USH1G: variants seen among roughly 807,000 people sequenced by gnomAD.
USH1G encodes pre-mRNA splicing regulator USH1G.
USH1G carries 27 observed loss-of-function variants against 31.9 expected under a neutral mutation model. The observed-to-expected ratio is 0.85, with a 90% CI of 0.62 to 1.17. The LOEUF (loss-of-function observed/expected upper bound fraction) is 1.17. Ranked by LOEUF, USH1G falls within the 50% of genes most tolerant of loss-of-function variation. USH1G has a pLI of 0.00. For missense variants in USH1G, 674 were observed against 638.9 expected, an observed-to-expected ratio of 1.05 and a Z score of -0.59; for synonymous variants, 266 against 283.2, an observed-to-expected ratio of 0.94 and a Z score of 0.61.
In USH1G at chr17:74,918,545, G is replaced by A. The variant is rs367881762; in HGVS notation, c.1383-469C>T. Among the ~76,000 whole-genome samples, 38 of 152,258 alleles carry A rather than the reference G, an allele frequency of 2.5e-4. No individual in the cohort carries two copies. In the South Asian group the frequency reaches 3.9e-3, roughly 16 times the overall value. ...AAAACATCTCCCTAAGGCCAGGCGCGGTGGCTCACGCCTGTAATCCCAGCA... is the reference window on the plus strand; with the variant it reads ...AAAACATCTCCCTAAGGCCAGGCGCAGTGGCTCACGCCTGTAATCCCAGCA... On this transcript the variant is annotated intron_variant, in intron 2 of 2. Transcript: ENST00000614341. This position sits in a 1 kb window ranked among gnomAD's most constrained non-coding sequence, Gnocchi z 4.1.
Position 74,920,064 on chromosome 17 carries a change from G to A in USH1G, c.772C>T (p.Gln258Ter). ...TCCTTGGGATTGGCGTAGGTGCCCT[G>A]GCGCACGAACATCACGTCGCTGCCC... The part of the protein sequence containing the change: ...QLGSDVMFVR[Q>*]GTYANPKEWG... The change falls in exon 2 of 3, where the codon CAG (glutamine) becomes TAG (stop). Residue 258 changes from glutamine to a stop codon, truncating the protein, a stop_gained. Coordinates refer to ENST00000614341, the MANE Select transcript of USH1G (RefSeq NM_173477.5). LOFTEE classifies it high-confidence loss of function. The surrounding 1 kb of genome is among the most constrained non-coding windows in gnomAD (Gnocchi z 5.2). 6.2e-7 allele frequency: 1 copy of A among 1,608,290 alleles called. No individual in the cohort carries two copies.
chr17:74,917,264 G>T lies in USH1G; in HGVS notation c.*809C>A, dbSNP rs886053386. 50 of 152,324 alleles carry T rather than the reference G, an allele frequency of 3.3e-4. No homozygotes were observed. The highest frequency in any genetic ancestry group is 1.2e-3 in the African/African-American group (48 of 41,458). 9.4% of individuals were successfully genotyped at this position (152,324 alleles called of 1,614,324 possible). A position where few individuals can be genotyped will look rare whatever the true frequency, so the allele number is the denominator to read the frequency against. On this transcript the variant is annotated 3_prime_UTR_variant, in exon 3 of 3. Transcript: ENST00000614341. ...GGCGGACACCTTTCTCTAGCCCAGC[G>T]CATGCCTGCCAGGCCTGGGGGCTAT...
rs1309517673 is a variant in USH1G, at chr17:74,921,948, A to G, written c.164+962T>C. On this transcript the variant is annotated intron_variant, in intron 1 of 2. Coordinates refer to ENST00000614341, the MANE Select transcript of USH1G (RefSeq NM_173477.5). This position sits in a 1 kb window ranked among gnomAD's most constrained non-coding sequence, Gnocchi z 4.6. ...CAAGAAGGAGGGGTCTCCAGCACCT[A>G]CTACATGTTCAGGCACTGGCCAGTA... Among the ~76,000 whole-genome samples, 2 of 152,066 alleles carry G rather than the reference A, an allele frequency of 1.3e-5. No homozygotes were observed. The highest frequency in any genetic ancestry group is 4.8e-5 in the African/African-American group (2 of 41,410).
At position 74,918,826 on chromosome 17, in the gene USH1G, AAT is replaced by A. The variant is rs1186539922; in HGVS notation, c.1382+626_1382+627del. Among the ~76,000 whole-genome samples, 47 of 150,796 alleles carry A rather than the reference AAT, an allele frequency of 3.1e-4. 1 individual carries two copies. The highest frequency in any genetic ancestry group is 3.1e-3 in the Admixed American group (47 of 15,206). ...ACTGTCTCAAAAAAAAAAAAAAAAA[AAT>A]CTGCCTGAGGTCTTGGGCAATTGAG... On this transcript the variant is annotated intron_variant, in intron 2 of 2. Transcript: ENST00000614341. This position sits in a 1 kb window ranked among gnomAD's most constrained non-coding sequence, Gnocchi z 4.1.
intron 1 of USH1G, among the ~76,000 whole-genome samples, chr17:74,922,609 G>T (rs2038957620): frequency 6.6e-6 from 1 of 151,834 alleles, no homozygotes. Flanking sequence ...CCTCACTCTT[G>T]CTTCCAGGGG....
At position 74,920,197 on chromosome 17, in the gene USH1G, C is replaced by A; in HGVS notation, c.639G>T (p.Lys213Asn). 6.2e-7 allele frequency: 1 copy of A among 1,602,390 alleles called. No individual in the cohort carries two copies. Among genetic ancestry groups the A allele is most frequent in the East Asian group, 2.2e-5 (1 of 44,870 alleles). The change falls in exon 2 of 3, where the codon AAG becomes AAT. Residue 213 changes from lysine to asparagine, a missense_variant. By Grantham distance (94) the Lys-to-Asn change is moderately conservative. Coordinates refer to ENST00000614341, the MANE Select transcript of USH1G (RefSeq NM_173477.5). The surrounding 1 kb of genome is among the most constrained non-coding windows in gnomAD (Gnocchi z 5.2). ...GCTCCAGCTTCTTCTGCATCTTGGT[C>A]TTGCCCCTGGCCGTGCCGTGCAGCG... ...QATLHGTARG[K>N]TKMQKKLERR...
chr17:74,923,077 G>C lies in USH1G; in HGVS notation c.-4C>G. ...CCCGGTGGTACTGGTCGTTCATGGC[G>C]CCCGAAGTGGACGGGGCGGGCGGGG... On this transcript the variant is annotated 5_prime_UTR_variant, in exon 1 of 3. Transcript: ENST00000614341. This position sits in a 1 kb window ranked among gnomAD's most constrained non-coding sequence, Gnocchi z 5.3. The C allele has an allele frequency of 6.3e-7, 1 of 1,578,532 alleles. No individual in the cohort carries two copies. Among genetic ancestry groups the C allele is most frequent in the Non-Finnish European group, 8.6e-7 (1 of 1,160,212 alleles).
intron 1 of USH1G, among the ~76,000 whole-genome samples, chr17:74,922,224 C>T (rs2038951051): frequency 1.3e-5 from 2 of 152,074 alleles, no homozygotes; most frequent in African/African-American, 4.8e-5. Context: ...GCACTGACAC[C>T]TGCACTGTAT....
chr17:74,920,787 G>C lies in USH1G; in HGVS notation c.165-116C>G. 3 of 1,440,560 alleles carry C rather than the reference G, an allele frequency of 2.1e-6. No individual in the cohort carries two copies. Among genetic ancestry groups the C allele is most frequent in the Non-Finnish European group, 2.8e-6 (3 of 1,065,136 alleles). 89.2% of individuals were successfully genotyped at this position (1,440,560 alleles called of 1,614,324 possible). Reference sequence around the variant, plus strand: ...TGTCACAGCAACCCCCAAAGGGACCGTGGGCCTGAGATCTCTCCCACTCCA... The same window carrying C: ...TGTCACAGCAACCCCCAAAGGGACCCTGGGCCTGAGATCTCTCCCACTCCA... On this transcript the variant is annotated intron_variant, in intron 1 of 2. Coordinates refer to ENST00000614341, the MANE Select transcript of USH1G (RefSeq NM_173477.5). This position sits in a 1 kb window ranked among gnomAD's most constrained non-coding sequence, Gnocchi z 5.2.
rs1358311909 is a variant in USH1G, at chr17:74,918,267, C to T, written c.1383-191G>A. On this transcript the variant is annotated intron_variant, in intron 2 of 2. Transcript: ENST00000614341. The surrounding 1 kb of genome is among the most constrained non-coding windows in gnomAD (Gnocchi z 4.1). ...CTCTGAACCAGCCTGCCTCCCCACA[C>T]CCATCCCTGCCCCAGCCATTCAGGA... is the stretch of plus-strand genomic sequence containing the variant. Among the ~76,000 whole-genome samples the T allele has an allele frequency of 6.6e-6, 1 of 152,190 alleles. No individual in the cohort carries two copies. The highest frequency in any genetic ancestry group is 1.5e-5 in the Non-Finnish European group (1 of 68,032).
chr17:74,920,106 G>A lies in USH1G; in HGVS notation c.730C>T (p.Leu244Phe), dbSNP rs774553625. 3.1e-6 allele frequency: 5 copies of A among 1,603,132 alleles called. No individual in the cohort carries two copies. In the South Asian group the frequency reaches 4.4e-5, roughly 14 times the overall value. Reference protein sequence around the residue: ...SEDGRKSARSLSGLQLGSDVM... With the variant: ...SEDGRKSARSFSGLQLGSDVM... ...TCGCTGCCCAGCTGCAGGCCCGAGA[G>A]CGAGCGGGCGCTCTTGCGCCCATCC... The change falls in exon 2 of 3, where the codon CTC becomes TTC. Residue 244 changes from leucine (L) to phenylalanine (F), a missense_variant. Transcript: ENST00000614341. The surrounding 1 kb of genome is among the most constrained non-coding windows in gnomAD (Gnocchi z 5.2).
Position 74,917,989 on chromosome 17 carries a change from G to T in USH1G, c.*84C>A. 6.3e-7 allele frequency: 1 copy of T among 1,579,184 alleles called. No homozygotes were observed. The highest frequency in any genetic ancestry group is 1.1e-5 in the South Asian group (1 of 89,344). ...TGCTCCTGGGGAAGGGGGCTGCAGGGCTGGCAACTGTGAGGACCTCGAGAC... is the reference window on the plus strand; with the variant it reads ...TGCTCCTGGGGAAGGGGGCTGCAGGTCTGGCAACTGTGAGGACCTCGAGAC... On this transcript the variant is annotated 3_prime_UTR_variant, in exon 3 of 3. Transcript: ENST00000614341.
rs1473426274 is a variant in USH1G, at chr17:74,923,012, G to A, written c.62C>T (p.Thr21Ile). ...DGYLELLKEA[T>I]RKELNAPDED... ...GTCGGGGGCATTCAGCTCCTTTCGG[G>A]TGGCCTCCTTGAGGAGCTCCAGGTA... Residue 21 changes from threonine (T) to isoleucine (I), a missense_variant, in exon 1 of 3, where the codon ACC becomes ATC. Coordinates refer to ENST00000614341, the MANE Select transcript of USH1G (RefSeq NM_173477.5). The surrounding 1 kb of genome is among the most constrained non-coding windows in gnomAD (Gnocchi z 5.3). The A allele has an allele frequency of 2.5e-6, 4 of 1,576,906 alleles. No homozygotes were observed. Among genetic ancestry groups the A allele is most frequent in the African/African-American group, 1.3e-5 (1 of 74,346 alleles).
intron 1 of USH1G, 68 bp downstream of exon 1, chr17:74,922,842 G>A (rs2038961306): frequency 2.0e-6 from 3 of 1,498,972 alleles, no homozygotes; most frequent in South Asian, 1.3e-5. Flanking sequence ...GCAGCTCAGA[G>A]GAGTGGTGGA....
Position 74,920,416 on chromosome 17 carries a change from G to A in USH1G, c.420C>T (p.Phe140=). 1 of 1,613,544 alleles carries A rather than the reference G, an allele frequency of 6.2e-7. No individual in the cohort carries two copies. The highest frequency in any genetic ancestry group is 8.5e-7 in the Non-Finnish European group (1 of 1,180,040). ...KLVGKLKDKA[F]REAERRIREC... is the part of the protein sequence containing the mutation. ...CGCGGATGCGCCGCTCCGCCTCGCGGAAGGCCTTGTCCTTCAGCTTACCCA... is the reference window on the plus strand; with the variant it reads ...CGCGGATGCGCCGCTCCGCCTCGCGAAAGGCCTTGTCCTTCAGCTTACCCA... Residue 140 remains phenylalanine, a synonymous_variant, in exon 2 of 3, where the codon TTC becomes TTT. Transcript: ENST00000614341. This position sits in a 1 kb window ranked among gnomAD's most constrained non-coding sequence, Gnocchi z 5.2.
Position 74,922,891 on chromosome 17 carries a change from C to G in USH1G, c.164+19G>C. 1 of 1,539,640 alleles carries G rather than the reference C, an allele frequency of 6.5e-7. No individual in the cohort carries two copies. Among genetic ancestry groups the G allele is most frequent in the Non-Finnish European group, 8.8e-7 (1 of 1,138,836 alleles). On this transcript the variant is annotated intron_variant, in intron 1 of 2. Transcript: ENST00000614341. ...GGTGGTCTCAGGGGCCTCAAGGGCACTGGGTGGGGCGTACTCACCCGCGGC... is the reference window on the plus strand; with the variant it reads ...GGTGGTCTCAGGGGCCTCAAGGGCAGTGGGTGGGGCGTACTCACCCGCGGC...
Position 74,919,922 on chromosome 17 carries a change from G to C in USH1G, c.914C>G (p.Ser305Cys), listed in dbSNP as rs764111098. 5.0e-6 allele frequency: 8 copies of C among 1,612,976 alleles called. No individual in the cohort carries two copies. In the East Asian group the frequency reaches 1.3e-4, roughly 27 times the overall value. ...SEVSTDSGHD[S>C]LFTRPGLGTM... ...GCCCAGGCCGGGGCGGGTAAACAGG[G>C]AGTCGTGGCCTGAGTCGGTGCTGAC... Residue 305 changes from serine to cysteine, a missense_variant, in exon 2 of 3, where the codon TCC becomes TGC. Coordinates refer to ENST00000614341, the MANE Select transcript of USH1G (RefSeq NM_173477.5). The surrounding 1 kb of genome is among the most constrained non-coding windows in gnomAD (Gnocchi z 4.5).
At position 74,921,521 on chromosome 17, in the gene USH1G, C is replaced by T. The variant is rs986680390; in HGVS notation, c.165-850G>A. Among the ~76,000 whole-genome samples, 5 of 152,148 alleles carry T rather than the reference C, an allele frequency of 3.3e-5. No individual in the cohort carries two copies. The highest frequency in any genetic ancestry group is 7.4e-5 in the Non-Finnish European group (5 of 68,006). Reference sequence around the variant, plus strand: ...CTCCCTTGGGGGCCCAGCACAGCACCCCTGCCCTGCACTAATGAGGCCACA... The same window carrying T: ...CTCCCTTGGGGGCCCAGCACAGCACTCCTGCCCTGCACTAATGAGGCCACA... On this transcript the variant is annotated intron_variant, in intron 1 of 2. Coordinates refer to ENST00000614341, the MANE Select transcript of USH1G (RefSeq NM_173477.5). This position sits in a 1 kb window ranked among gnomAD's most constrained non-coding sequence, Gnocchi z 4.6.
rs111415827 is a variant in USH1G, at chr17:74,918,096, A to T, written c.1383-20T>A. On this transcript the variant is annotated intron_variant, in intron 2 of 2. Coordinates refer to ENST00000614341, the MANE Select transcript of USH1G (RefSeq NM_173477.5). The surrounding 1 kb of genome is among the most constrained non-coding windows in gnomAD (Gnocchi z 4.1). Reference sequence around the variant, plus strand: ...GGTTATCTGTGGAGGAAGAGACAGAAAGAAACAGATCTCACATGAGGCCCT... The same window carrying T: ...GGTTATCTGTGGAGGAAGAGACAGATAGAAACAGATCTCACATGAGGCCCT... 3.1e-4 allele frequency: 495 copies of T among 1,613,934 alleles called. 4 individuals are homozygous for T. In the African/African-American group the frequency reaches 5.0e-3, roughly 16 times the overall value.
Sources: gnomAD v4.1 joint callset for allele counts (sites outside exome capture counted in the v4.1 genomes callset) on GRCh38, gnomAD v4.1.1 for gene constraint, Gnocchi (gnomAD v3.1) non-coding constraint, MANE v1.5 for transcripts, NCBI Gene and HGNC (gene_info 2026-07-23, HGNC 2026-07-21) for gene names.